USP7: variants seen among roughly 807,000 people sequenced by gnomAD.
The protein encoded by USP7 is ubiquitin specific peptidase 7.
A neutral mutation model predicts 162.9 loss-of-function variants in USP7; 9 were observed. The ratio of observed to expected loss-of-function variants is 0.06; its 90% CI spans 0.03 to 0.10. USP7 has a LOEUF of 0.10. USP7 is among the 10% of genes least tolerant of loss of function. USP7 has a pLI of 1.00. For missense variants in USP7, 715 were observed against 1,373.7 expected, an observed-to-expected ratio of 0.52 and a Z score of 7.58; for synonymous variants, 562 against 475.9, an observed-to-expected ratio of 1.18 and a Z score of -2.35.
chr16:8,941,610 C>T (rs141361914), intron 1 of USP7, among the ~76,000 whole-genome samples: 6,943 of 152,306 alleles, frequency 0.046, 208 homozygotes, highest in Middle Eastern at 0.14. Flanking sequence ...TCTGCCAATT[C>T]GCTTAGTATC....
chr16:8,898,503 C>T, intron 24 of USP7, 28 bp downstream of exon 24: 1 of 1,604,844 alleles, frequency 6.2e-7, no homozygotes, highest in Non-Finnish European at 8.5e-7. Context: ...TCTTTATGAC[C>T]CATAGTTACA....
chr16:8,960,845 A>C (rs1899978555), intron 1 of USP7, among the ~76,000 whole-genome samples: 1 of 152,228 alleles, frequency 6.6e-6, no homozygotes, highest in African/African-American at 2.4e-5. Context: ...GGCCTAAGAC[A>C]CAAGTAGCTT....
intron 1 of USP7, among the ~76,000 whole-genome samples, chr16:8,946,908 T>C (rs973372034): frequency 6.6e-6 from 1 of 152,258 alleles, no homozygotes; most frequent in Non-Finnish European, 1.5e-5. Flanking sequence ...TAAAACTTGA[T>C]GAATCCATAT....
intron 12 of USP7, among the ~76,000 whole-genome samples, chr16:8,907,057 A>G (rs886384840): frequency 6.6e-6 from 1 of 152,220 alleles, no homozygotes; most frequent in African/African-American, 2.4e-5. Flanking sequence ...AAGGCAAGTT[A>G]GACGGGTGGG....
chr16:8,962,403 A>T (rs1401892388), intron 1 of USP7: 2 of 328,206 alleles, frequency 6.1e-6, no homozygotes, highest in African/African-American at 4.2e-5. Context: ...TCCAACCTTT[A>T]CAACCAAGAC....
chr16:8,905,514 A>G lies in USP7; in HGVS notation c.1429-183T>C, dbSNP rs111991783. Among the ~76,000 whole-genome samples, 472 of 152,356 alleles carry G rather than the reference A, an allele frequency of 3.1e-3. 3 individuals carry two copies. The highest frequency in any genetic ancestry group is 0.011 in the African/African-American group (440 of 41,582). On this transcript the variant is annotated intron_variant, in intron 13 of 30. Transcript: ENST00000344836. ...GTGCTAGGCAGGCAGCGCCTCAGGC[A>G]TCCGCTCATACAATTCACCAGGACC...
intron 1 of USP7, among the ~76,000 whole-genome samples, chr16:8,955,617 A>C (rs1000633114): frequency 3.7e-4 from 55 of 148,328 alleles, no homozygotes; most frequent in African/African-American, 1.2e-3. Flanking sequence ...GAGGCAGGGG[A>C]ATCGCTTGAA....
chr16:8,955,464 T>C (rs917807667), intron 1 of USP7, among the ~76,000 whole-genome samples: 2 of 151,784 alleles, frequency 1.3e-5, no homozygotes, highest in Non-Finnish European at 2.9e-5. Context: ...GGCTCACACC[T>C]GTAATCCCAG....
chr16:8,899,871 A>G, intron 21 of USP7, 114 bp from the exon 22 acceptor site: 3 of 1,306,034 alleles, frequency 2.3e-6, no homozygotes, highest in Admixed American at 1.9e-5. Flanking sequence ...CTTGCAAGAT[A>G]AATTCAGGTT....
intron 1 of USP7, among the ~76,000 whole-genome samples, chr16:8,943,883 C>T (rs961747510): frequency 2.0e-5 from 3 of 152,150 alleles, no homozygotes; most frequent in African/African-American, 7.2e-5. Flanking sequence ...TTTAATTTTT[C>T]ACAGGAAAAC....
chr16:8,894,966 C>A (rs1304785601), intron 28 of USP7, 65 bp downstream of exon 28: 1 of 1,613,182 alleles, frequency 6.2e-7, no homozygotes, highest in Admixed American at 1.7e-5. Flanking sequence ...GCAGATTCGG[C>A]AACAGCGGCC....
chr16:8,959,728 G>GGT (rs1451636660), intron 1 of USP7, among the ~76,000 whole-genome samples: 2 of 151,946 alleles, frequency 1.3e-5, no homozygotes, highest in African/African-American at 4.8e-5. Context: ...TATCTGGCTG[G>GGT]GTGTGTTCAA....
rs1195634060 is a variant in USP7 at position 8,904,692 on chromosome 16, C to T, written c.1574-127G>A. On this transcript the variant is annotated intron_variant, in intron 14 of 30. Transcript: ENST00000344836. ...GCGTGGTGGCTTACGCCTGTAATCC[C>T]AGCACTTTGGGAGGCTGAGGCGGGC... 4 of 1,402,174 alleles carry T rather than the reference C, an allele frequency of 2.9e-6. No homozygotes were observed. In the African/African-American group the frequency reaches 5.8e-5, roughly 20 times the overall value. The allele number at this position is 1,402,174 out of a possible 1,614,324, so 86.9% of individuals were successfully genotyped here.
intron 1 of USP7, among the ~76,000 whole-genome samples, chr16:8,935,232 G>T (rs950665971): frequency 7.3e-6 from 1 of 137,742 alleles, no homozygotes; most frequent in African/African-American, 2.7e-5. Flanking sequence ...AGACAGTCTC[G>T]TTCTGTCTCC....
At chr16:8,920,470 T>C in intron 4 of USP7, 23 bp from the exon 5 acceptor site, 1 of 1,590,666 alleles carries the variant, frequency 6.3e-7, no homozygotes, top group South Asian at 1.1e-5. Context: ...AATAAGAATA[T>C]CCAGCTTGAA....
At chr16:8,900,439 C>T (rs917207915) in intron 21 of USP7, 91 bp downstream of exon 21, 136 of 903,098 alleles carry the variant, frequency 1.5e-4, no homozygotes, top group Non-Finnish European at 3.4e-5. Flanking sequence ...AAACGTGGCT[C>T]GGGATCTAGG....
At chr16:8,898,254 T>G in intron 25 of USP7, 106 bp downstream of exon 25, 1 of 967,974 alleles carries the variant, frequency 1.0e-6, no homozygotes, top group Non-Finnish European at 1.6e-6. Flanking sequence ...GTGCTGTTGT[T>G]TAGAGTGTTT....
chr16:8,932,316 A>T (rs2141233930), intron 1 of USP7, among the ~76,000 whole-genome samples: 1 of 152,324 alleles, frequency 6.6e-6, no homozygotes, highest in South Asian at 2.1e-4. Context: ...CTATAATCCT[A>T]GCACTCTGGG....
chr16:8,898,832 C>T, intron 23 of USP7, 193 bp from the exon 24 acceptor site: 1 of 614,760 alleles, frequency 1.6e-6, no homozygotes, highest in East Asian at 2.8e-5. Context: ...ATGCTCTCTG[C>T]AATAGTGACA....
Sources: allele counts gnomAD v4.1 joint callset (sites outside exome capture counted in the v4.1 genomes callset), GRCh38; gene constraint gnomAD v4.1.1; transcripts MANE v1.5; gene names NCBI Gene and HGNC (gene_info 2026-07-23, HGNC 2026-07-21).